The following LINGO1 variants were observed in gnomAD, a reference collection of about 807,000 sequenced individuals.
LINGO1 encodes leucine-rich repeat and immunoglobulin-like domain-containing nogo receptor-interacting protein 1.
A neutral mutation model predicts 37.3 loss-of-function variants in LINGO1; 11 were observed. That is an observed-to-expected ratio of 0.29 (90% confidence interval 0.19 to 0.49). The LOEUF is 0.49. LINGO1 is among the 20% of genes least tolerant of loss of function. LINGO1 has a pLI of 0.99. For synonymous variants in LINGO1, 387 were observed against 403.0 expected (o/e 0.96, Z 0.48); for missense variants, 585 against 878.2 (o/e 0.67, Z 4.22).
In LINGO1 at chr15:77,614,053, C is replaced by T; in HGVS notation, c.1854G>A (p.Lys618=). Reference sequence around the variant, plus strand: ...GCCCCCCGCCCCGGCCTCATATCATCTTCATGTTGAACTTGCGGGGCGCGT... The same window carrying T: ...GCCCCCCGCCCCGGCCTCATATCATTTTCATGTTGAACTTGCGGGGCGCGT... ...SADAPRKFNM[K]MI Residue 618 remains lysine, a synonymous_variant, in exon 2 of 2, where the codon AAG becomes AAA. Transcript: ENST00000355300. 2.5e-6 allele frequency: 4 copies of T among 1,587,290 alleles called. No homozygotes were observed. In the South Asian group the frequency reaches 3.4e-5, roughly 13 times the overall value.
chr15:77,814,707 A>G lies in LINGO1; in HGVS notation c.-458+5551T>C, dbSNP rs116239209. Among the ~76,000 whole-genome samples, 741 of 152,340 alleles carry G rather than the reference A, an allele frequency of 4.9e-3. 6 individuals are homozygous for G. Among genetic ancestry groups the G allele is most frequent in the African/African-American group, 0.017 (703 of 41,580 alleles). ...AAGCTCACCCAGCTTGAAGCAGCTG[A>G]GCCAAGATTCAAACCCATTTCCATC... On this transcript the variant is annotated intron_variant, in intron 1 of 5. Coordinates refer to the LINGO1 transcript ENST00000562933.
At position 77,654,502 on chromosome 15, in the gene LINGO1, G is replaced by A. The variant is rs537628236; in HGVS notation, c.-13+22587C>T. Among the ~76,000 whole-genome samples the A allele has an allele frequency of 3.9e-5, 6 of 152,274 alleles. No homozygotes were observed. In the South Asian group the frequency reaches 1.0e-3, roughly 26 times the overall value. On this transcript the variant is annotated intron_variant, in intron 3 of 3. Transcript: ENST00000559893. ...GCTAGGTATGGTTAGAGCCCAGCTGGTGGGGATTGGGGCTGGGGTCTCAGC... is the reference window on the plus strand; with the variant it reads ...GCTAGGTATGGTTAGAGCCCAGCTGATGGGGATTGGGGCTGGGGTCTCAGC...
At chr15:77,818,911 T>C (rs1209956528) in intron 1 of LINGO1, among the ~76,000 whole-genome samples, 1 of 147,926 alleles carries the variant, frequency 6.8e-6, no homozygotes, top group African/African-American at 2.5e-5. Context: ...TCCCCTCGCG[T>C]TCTCTTCTCT....
intron 1 of LINGO1, among the ~76,000 whole-genome samples, chr15:77,618,239 C>G (rs1312929094): frequency 1.3e-5 from 2 of 152,244 alleles, no homozygotes; most frequent in Non-Finnish European, 2.9e-5. Flanking sequence ...CCCCGAGGTG[C>G]TGGTAAGCCC....
At chr15:77,763,136 C>T (rs2076494341) in intron 1 of LINGO1, among the ~76,000 whole-genome samples, 1 of 152,186 alleles carries the variant, frequency 6.6e-6, no homozygotes, top group Non-Finnish European at 1.5e-5. Flanking sequence ...ACATAATCCC[C>T]GTTTCTGTGG....
At chr15:77,733,443 G>T (rs917004083) in intron 2 of LINGO1, among the ~76,000 whole-genome samples, 4 of 152,124 alleles carry the variant, frequency 2.6e-5, no homozygotes, top group African/African-American at 9.7e-5. Flanking sequence ...CCCATGCCAT[G>T]ACCCTTGAGG....
At chr15:77,663,150 T>A (rs1466404020) in intron 3 of LINGO1, among the ~76,000 whole-genome samples, 2 of 152,200 alleles carry the variant, frequency 1.3e-5, no homozygotes, top group South Asian at 2.1e-4. Flanking sequence ...ATCAACCATC[T>A]CTTCCTGCAT....
chr15:77,743,975 C>T (rs2141353379), intron 1 of LINGO1, among the ~76,000 whole-genome samples: 1 of 152,318 alleles, frequency 6.6e-6, no homozygotes, highest in Non-Finnish European at 1.5e-5. Context: ...TGAGCATCTA[C>T]TATACGCCAG....
intron 1 of LINGO1, among the ~76,000 whole-genome samples, chr15:77,808,555 A>G (rs994193989): frequency 6.6e-6 from 1 of 152,074 alleles, no homozygotes; most frequent in Non-Finnish European, 1.5e-5. Flanking sequence ...TACAGAGCAG[A>G]CACCTCTTCC....
chr15:77,684,931 G>A (rs923968145), intron 2 of LINGO1, among the ~76,000 whole-genome samples: 1 of 152,126 alleles, frequency 6.6e-6, no homozygotes, highest in Admixed American at 6.5e-5. Context: ...GTGGTGCCCG[G>A]GGAGGGCTCT....
chr15:77,743,450 C>A (rs1375558993), intron 1 of LINGO1, among the ~76,000 whole-genome samples: 1 of 152,142 alleles, frequency 6.6e-6, no homozygotes, highest in East Asian at 1.9e-4. Flanking sequence ...GGCTTCCTGG[C>A]CTCAGGCCTG....
At chr15:77,779,809 T>C (rs1381453596) in intron 1 of LINGO1, among the ~76,000 whole-genome samples, 2 of 152,152 alleles carry the variant, frequency 1.3e-5, no homozygotes, top group African/African-American at 2.4e-5. Context: ...AGCTCCATGA[T>C]GACAGCCTCC....
chr15:77,710,677 G>T (rs180924365), intron 2 of LINGO1, among the ~76,000 whole-genome samples: 1 of 152,078 alleles, frequency 6.6e-6, no homozygotes, highest in Non-Finnish European at 1.5e-5. Context: ...CTTTTGTTTC[G>T]CTGAAGAAGA....
intron 1 of LINGO1, among the ~76,000 whole-genome samples, chr15:77,741,114 G>A (rs894703610): frequency 2.0e-5 from 3 of 152,220 alleles, no homozygotes; most frequent in African/African-American, 7.2e-5. Context: ...GGCCAGCGGG[G>A]GCAAGAGGCA....
chr15:77,664,914 C>T (rs1188637601), intron 3 of LINGO1, among the ~76,000 whole-genome samples: 1 of 152,182 alleles, frequency 6.6e-6, no homozygotes, highest in African/African-American at 2.4e-5. Context: ...AGGGACAGCT[C>T]CTTCAGACTT....
chr15:77,761,046 C>T (rs751204847), intron 1 of LINGO1, among the ~76,000 whole-genome samples: 3 of 150,494 alleles, frequency 2.0e-5, no homozygotes, highest in Non-Finnish European at 4.4e-5. Flanking sequence ...TTCGCCTCAG[C>T]CTCCCAAGAA....
chr15:77,779,903 G>A (rs2076698476), intron 1 of LINGO1, among the ~76,000 whole-genome samples: 1 of 152,192 alleles, frequency 6.6e-6, no homozygotes, highest in East Asian at 1.9e-4. Flanking sequence ...ATGGAGCCAG[G>A]CACCAGGAGG....
intron 1 of LINGO1, among the ~76,000 whole-genome samples, chr15:77,749,743 TAAG>T (rs1257578596): frequency 6.6e-6 from 1 of 152,112 alleles, no homozygotes; most frequent in Non-Finnish European, 1.5e-5. Context: ...TATCCTCAAA[TAAG>T]GGGAAGAAGT....
intron 3 of LINGO1, among the ~76,000 whole-genome samples, chr15:77,674,648 A>G (rs12901420): frequency 0.12 from 18,437 of 151,850 alleles, 1,379 homozygotes; most frequent in Non-Finnish European, 0.17. Flanking sequence ...CGCTTCCCCC[A>G]CAACATCCAC....
Sources: allele counts gnomAD v4.1 joint callset (sites outside exome capture counted in the v4.1 genomes callset), GRCh38; gene constraint gnomAD v4.1.1; transcripts MANE v1.5; gene names NCBI Gene and HGNC (gene_info 2026-07-23, HGNC 2026-07-21).